Variants in NEK6 observed in about 807,000 individuals in gnomAD.
NEK6 encodes NIMA related kinase 6, also known as serine/threonine-protein kinase Nek6.
Under a neutral mutation model 43.5 loss-of-function variants are expected in NEK6, and 27 were observed. The observed-to-expected ratio is 0.62, with a 90% confidence interval of 0.46 to 0.86. The LOEUF is 0.86. Among genes scored for constraint, NEK6 ranks in the 40% least tolerant of loss-of-function variants. The pLI is 0.00. For missense variants in NEK6, 318 were observed against 414.4 expected (o/e 0.77, Z 2.02); for synonymous variants, 167 against 164.1 (o/e 1.02, Z -0.14).
chr9:124,315,413 G>A (rs1419318294), intron 4 of NEK6, among the ~76,000 whole-genome samples: 2 of 152,230 alleles, frequency 1.3e-5, no homozygotes, highest in African/African-American at 4.8e-5. Context: ...GCCATGGCTG[G>A]GTGTGAGTTG....
At chr9:124,278,159 T>C (rs929631697) in intron 1 of NEK6, among the ~76,000 whole-genome samples, 2 of 152,222 alleles carry the variant, frequency 1.3e-5, no homozygotes, top group African/African-American at 2.4e-5. Context: ...TACAGGACCA[T>C]GCGGTACAGG....
At chr9:124,336,611 G>A (rs530259216) in intron 7 of NEK6, among the ~76,000 whole-genome samples, 10 of 152,200 alleles carry the variant, frequency 6.6e-5, no homozygotes, top group Non-Finnish European at 1.2e-4. Flanking sequence ...TTGCCACGCT[G>A]GGACTCCAGC....
intron 7 of NEK6, among the ~76,000 whole-genome samples, chr9:124,328,088 G>T (rs1268665553): frequency 1.3e-5 from 2 of 152,346 alleles, no homozygotes; most frequent in Admixed American, 1.3e-4. Flanking sequence ...CACCCTATGG[G>T]TCGGGGGGTG....
At chr9:124,292,880 G>T in intron 1 of NEK6, 2 of 1,472,166 alleles carry the variant, frequency 1.4e-6, no homozygotes, top group South Asian at 2.8e-5. Flanking sequence ...GAGACAGCAC[G>T]GGGGAGCAGG....
At chr9:124,271,831 A>G (rs1327819843) in intron 1 of NEK6, among the ~76,000 whole-genome samples, 1 of 152,208 alleles carries the variant, frequency 6.6e-6, no homozygotes, top group Non-Finnish European at 1.5e-5. Flanking sequence ...CTTGGCAGGG[A>G]GCAGATCTCA....
chr9:124,311,606 C>T (rs1317851019), intron 2 of NEK6, among the ~76,000 whole-genome samples: 1 of 152,178 alleles, frequency 6.6e-6, no homozygotes, highest in African/African-American at 2.4e-5. Context: ...CAATGCTGGC[C>T]CCTGCAGAGT....
At chr9:124,285,176 A>G (rs1832098285) in intron 1 of NEK6, among the ~76,000 whole-genome samples, 1 of 152,224 alleles carries the variant, frequency 6.6e-6, no homozygotes, top group Non-Finnish European at 1.5e-5. Context: ...ACGTCGAGGC[A>G]TATTTTACAG....
At chr9:124,316,785 AC>A (rs1384121609) in intron 4 of NEK6, among the ~76,000 whole-genome samples, 3 of 150,986 alleles carry the variant, frequency 2.0e-5, no homozygotes, top group Non-Finnish European at 1.5e-5. Context: ...CCCTTCCTTA[AC>A]CCCCTGCCCT....
chr9:124,305,927 T>C (rs1833233796), intron 2 of NEK6, among the ~76,000 whole-genome samples: 1 of 152,240 alleles, frequency 6.6e-6, no homozygotes. Context: ...CTCAAATCCA[T>C]ACTATCTCAT....
intron 8 of NEK6, among the ~76,000 whole-genome samples, chr9:124,342,574 C>G (rs1412662959): frequency 6.6e-6 from 1 of 152,226 alleles, no homozygotes; most frequent in East Asian, 1.9e-4. Flanking sequence ...CAGCTGCAGG[C>G]CAAGCACGGG....
intron 2 of NEK6, among the ~76,000 whole-genome samples, chr9:124,304,412 G>A (rs749468238): frequency 3.3e-5 from 5 of 152,164 alleles, no homozygotes; most frequent in African/African-American, 4.8e-5. Flanking sequence ...CCAGCTCTCC[G>A]TCTCTCATTA....
chr9:124,340,619 G>T (rs1320820164), intron 8 of NEK6, among the ~76,000 whole-genome samples: 1 of 152,278 alleles, frequency 6.6e-6, no homozygotes, highest in Non-Finnish European at 1.5e-5. Flanking sequence ...TGGTTTTACA[G>T]TTGGAACCCT....
chr9:124,258,318 C>T (rs1461645363), intron 1 of NEK6: 12 of 984,976 alleles, frequency 1.2e-5, no homozygotes, highest in East Asian at 1.1e-4. Flanking sequence ...GCGTCCCCGG[C>T]GGGTGTGCGT....
intron 4 of NEK6, among the ~76,000 whole-genome samples, chr9:124,319,096 T>G (rs1388382749): frequency 1.3e-5 from 2 of 152,222 alleles, no homozygotes; most frequent in Non-Finnish European, 2.9e-5. Flanking sequence ...GCGATTCTCC[T>G]GCCCCAACCT....
rs1375050221 is a variant in NEK6, at chr9:124,262,441, A to T, written c.-30+4356A>T. On this transcript the variant is annotated intron_variant, in intron 1 of 9. Transcript: ENST00000320246. ...CTAGCATTTTGACATGTGTCCCTCT[A>T]ACAGGACTTGCTTGTGTGGAAACAG... is the stretch of plus-strand genomic sequence containing the variant. Among the ~76,000 whole-genome samples, 3 of 152,338 alleles carry T rather than the reference A, an allele frequency of 2.0e-5. No individual in the cohort carries two copies. The East Asian group carries it at 5.8e-4, about 29-fold the overall frequency.
intron 2 of NEK6, among the ~76,000 whole-genome samples, chr9:124,309,339 G>A (rs1833420065): frequency 6.6e-6 from 1 of 152,264 alleles, no homozygotes. Context: ...TCCACCAGGA[G>A]CTTCGGCCCC....
intron 1 of NEK6, among the ~76,000 whole-genome samples, chr9:124,263,519 T>C (rs762732237): frequency 1.2e-4 from 18 of 152,164 alleles, no homozygotes; most frequent in Non-Finnish European, 2.2e-4. Flanking sequence ...AATAATGCAT[T>C]TCAGATGCTC....
chr9:124,351,019 C>A lies in NEK6; in HGVS notation c.*72C>A. The stretch of plus-strand genomic sequence containing the variant: ...CTTGAGTCGTCTTCTCTTCGAGTGG[C>A]CACCTGGTAGCCTAGAACAGCTAAG... On this transcript the variant is annotated 3_prime_UTR_variant, in exon 10 of 10. Coordinates refer to ENST00000320246, the MANE Select transcript of NEK6 (RefSeq NM_014397.6). 1 of 1,044,444 alleles carries A rather than the reference C, an allele frequency of 9.6e-7. No individual in the cohort carries two copies. The highest frequency in any genetic ancestry group is 1.4e-6 in the Non-Finnish European group (1 of 692,298). 64.7% of individuals were successfully genotyped at this position (1,044,444 alleles called of 1,614,324 possible). A position where few individuals can be genotyped will look rare whatever the true frequency, so the allele number is the denominator to read the frequency against.
intron 1 of NEK6, among the ~76,000 whole-genome samples, chr9:124,299,189 A>G (rs530530380): frequency 6.6e-6 from 1 of 152,210 alleles, no homozygotes; most frequent in Non-Finnish European, 1.5e-5. Context: ...CGATGTGTGC[A>G]TGGGTCTCGC....
Sources: allele counts gnomAD v4.1 joint callset (sites outside exome capture counted in the v4.1 genomes callset), GRCh38; gene constraint gnomAD v4.1.1; transcripts MANE v1.5; gene names NCBI Gene and HGNC (gene_info 2026-07-23, HGNC 2026-07-21).